Variants in SLC17A5 observed in about 807,000 individuals in gnomAD.
SLC17A5 encodes the protein sialin.
Under a neutral mutation model 59.4 loss-of-function variants are expected in SLC17A5, and 47 were observed. The observed-to-expected ratio is 0.79, with a 90% CI of 0.63 to 1.01. The LOEUF (loss-of-function observed/expected upper bound fraction) is 1.01, where lower values mean the gene tolerates loss of function less well. Among genes scored for constraint, SLC17A5 ranks in the 50% least tolerant of loss-of-function variants. The pLI, the probability that SLC17A5 is intolerant of heterozygous loss-of-function variation, is 0.00. For synonymous variants in SLC17A5, 202 were observed against 210.7 expected, an observed-to-expected ratio of 0.96 and a Z score of 0.36; for missense variants, 522 against 595.5, an observed-to-expected ratio of 0.88 and a Z score of 1.28.
Position 73,593,464 on chromosome 6 carries a change from G to A in SLC17A5, c.*1613C>T, listed in dbSNP as rs577312148. ...GCTATTTACAAATTTAAAAATAAATGTACATAAATGTATTCACATCACATT... is the reference window on the plus strand; with the variant it reads ...GCTATTTACAAATTTAAAAATAAATATACATAAATGTATTCACATCACATT... On this transcript the variant is annotated 3_prime_UTR_variant, in exon 11 of 11. Coordinates refer to ENST00000355773, the MANE Select transcript of SLC17A5 (RefSeq NM_012434.5). 1 of 152,324 alleles carries A rather than the reference G, an allele frequency of 6.6e-6. No homozygotes were observed. The highest frequency in any genetic ancestry group is 6.5e-5 in the Admixed American group (1 of 15,296). 9.4% of individuals were successfully genotyped at this position (152,324 alleles called of 1,614,324 possible).
Position 73,644,450 on chromosome 6 carries a change from C to T in SLC17A5, c.248G>A (p.Cys83Tyr), listed in dbSNP as rs371016362. 1.2e-6 allele frequency: 2 copies of T among 1,613,948 alleles called. No individual in the cohort carries two copies. The highest frequency in any genetic ancestry group is 1.6e-4 in the Middle Eastern group (1 of 6,084). ...TTTTATGGGAGCAGAATGCTCTGGA[C>T]ACGCCTTGGAAGTTCTATTATCTTC... is the stretch of plus-strand genomic sequence containing the variant. ...TLEDNRTSKA[C>Y]PEHSAPIKVH... Residue 83 changes from cysteine to tyrosine, a missense_variant, in exon 2 of 11, where the codon TGT becomes TAT. Physicochemically the swap from Cys to Tyr is radical, Grantham distance 194. Around this residue, in one of 3 missense-constraint regions of SLC17A5, gnomAD observed 338 missense variants for 363.8 expected, o/e 0.93. Coordinates refer to ENST00000355773, the MANE Select transcript of SLC17A5 (RefSeq NM_012434.5).
rs777003911 is a variant in SLC17A5 at position 73,595,106 on chromosome 6, G to A, written c.1459C>T (p.Leu487Phe). The A allele has an allele frequency of 9.9e-6, 16 of 1,613,984 alleles. No homozygotes were observed. Among genetic ancestry groups the A allele is most frequent in the Non-Finnish European group, 1.3e-5 (15 of 1,180,024 alleles). Residue 487 changes from leucine (L) to phenylalanine (F), a missense_variant, in exon 11 of 11, where the codon CTC (leucine) becomes TTC (phenylalanine). Leu to Phe is a conservative substitution (Grantham distance 22, BLOSUM62 0). This residue lies in a region of SLC17A5 where 153 missense variants were observed against 168.5 expected (regional missense o/e 0.91). Transcript: ENST00000355773. ...TGTCTGTGTCCATGGTGATCATTGA[G>A]AGCCCAGTTTTGTACTTCACCTTTG... ...FAKGEVQNWALNDHHGHRH is the reference protein window; with the variant it reads ...FAKGEVQNWAFNDHHGHRH
intron 1 of SLC17A5, among the ~76,000 whole-genome samples, chr6:73,646,083 T>C (rs898720469): frequency 6.6e-6 from 1 of 152,196 alleles, no homozygotes; most frequent in Non-Finnish European, 1.5e-5. Context: ...GATATAAACA[T>C]GTATTTCATT....
At chr6:73,647,834 G>A (rs563044053) in intron 1 of SLC17A5, among the ~76,000 whole-genome samples, 18 of 152,356 alleles carry the variant, frequency 1.2e-4, no homozygotes, top group Middle Eastern at 3.4e-3. Flanking sequence ...TTGGGAGGAC[G>A]AAGCGGGTGG....
intron 7 of SLC17A5, among the ~76,000 whole-genome samples, chr6:73,616,038 A>AC (rs1220627398): frequency 6.6e-6 from 1 of 151,846 alleles, no homozygotes; most frequent in Admixed American, 6.6e-5. Context: ...GGTGCCTGCT[A>AC]CCACACCTGG....
intron 8 of SLC17A5, among the ~76,000 whole-genome samples, chr6:73,612,245 C>T (rs545683190): frequency 8.5e-5 from 13 of 152,122 alleles, no homozygotes; most frequent in African/African-American, 2.4e-4. Context: ...TCACTGCAAC[C>T]TCTGCCTCCC....
intron 9 of SLC17A5, among the ~76,000 whole-genome samples, chr6:73,608,236 T>C (rs2150084796): frequency 6.6e-6 from 1 of 152,296 alleles, no homozygotes; most frequent in East Asian, 1.9e-4. Context: ...TAGGTGCTGA[T>C]TGTCCTAAAG....
intron 2 of SLC17A5, among the ~76,000 whole-genome samples, chr6:73,642,763 C>T (rs1042168164): frequency 3.9e-5 from 6 of 152,184 alleles, no homozygotes; most frequent in Non-Finnish European, 8.8e-5. Context: ...TTTCTTTCTA[C>T]TGCTGATATA....
At chr6:73,598,165 C>G (rs1315999969) in intron 10 of SLC17A5, among the ~76,000 whole-genome samples, 2 of 152,214 alleles carry the variant, frequency 1.3e-5, no homozygotes, top group Non-Finnish European at 2.9e-5. Context: ...CGTTGTACTA[C>G]AAGTCTCACA....
intron 1 of SLC17A5, chr6:73,653,515 C>G (rs1769968656): frequency 2.1e-6 from 2 of 969,430 alleles, no homozygotes; most frequent in Non-Finnish European, 2.4e-6. Flanking sequence ...CCCCCGCCCC[C>G]GCCCCCGCCC....
chr6:73,646,125 A>T (rs1165337654), intron 1 of SLC17A5, among the ~76,000 whole-genome samples: 1 of 152,210 alleles, frequency 6.6e-6, no homozygotes, highest in Non-Finnish European at 1.5e-5. Flanking sequence ...AAATGAAAAT[A>T]TGTGTGCTTT....
intron 7 of SLC17A5, 29 bp from the exon 8 acceptor site, chr6:73,615,476 AT>A (rs1767813208): frequency 6.2e-7 from 1 of 1,612,642 alleles, no homozygotes; most frequent in African/African-American, 1.3e-5. Flanking sequence ...TACAGGATTA[AT>A]TACGGTGAGA....
intron 6 of SLC17A5, among the ~76,000 whole-genome samples, chr6:73,629,246 G>A (rs1768580084): frequency 6.6e-6 from 1 of 151,980 alleles, no homozygotes; most frequent in Non-Finnish European, 1.5e-5. Context: ...AAATTAGCCA[G>A]GCTTTGTGGT....
rs559686916 is a variant in SLC17A5, at chr6:73,615,379, A to G, written c.1047T>C (p.Ala349=). Residue 349 remains alanine, a synonymous_variant, in exon 8 of 11, where the codon GCT becomes GCC. Coordinates refer to ENST00000355773, the MANE Select transcript of SLC17A5 (RefSeq NM_012434.5). Reference sequence around the variant, plus strand: ...AATTCCATTTTGCCCTTAAATTGTCAGCAGCTTGACCAGACAGGATCATAC... The same window carrying G: ...AATTCCATTTTGCCCTTAAATTGTCGGCAGCTTGACCAGACAGGATCATAC... ...WLCMILSGQA[A]DNLRAKWNFS... is the part of the protein sequence containing the mutation. The G allele has an allele frequency of 6.2e-7, 1 of 1,614,118 alleles. No homozygotes were observed. Among genetic ancestry groups the G allele is most frequent in the African/African-American group, 1.3e-5 (1 of 75,046 alleles).
At chr6:73,624,066 C>T (rs1277213541) in intron 6 of SLC17A5, among the ~76,000 whole-genome samples, 1 of 152,010 alleles carries the variant, frequency 6.6e-6, no homozygotes, top group Non-Finnish European at 1.5e-5. Context: ...AGATCATTAA[C>T]TATAACATAG....
chr6:73,637,719 T>C (rs1224151307), intron 4 of SLC17A5, among the ~76,000 whole-genome samples: 7 of 152,140 alleles, frequency 4.6e-5, no homozygotes. Context: ...TCTCCCTGCA[T>C]GAATGGTTTG....
intron 6 of SLC17A5, among the ~76,000 whole-genome samples, chr6:73,623,824 A>T (rs2150101433): frequency 6.6e-6 from 1 of 151,780 alleles, no homozygotes; most frequent in East Asian, 2.0e-4. Context: ...CAGCCTCCTG[A>T]GTAGCTGGAA....
intron 1 of SLC17A5, among the ~76,000 whole-genome samples, chr6:73,646,286 A>G (rs1032646388): frequency 1.3e-5 from 2 of 152,214 alleles, no homozygotes; most frequent in African/African-American, 4.8e-5. Flanking sequence ...GAACTGATTT[A>G]GACTGAAACA....
chr6:73,618,476 C>T (rs1366235133), intron 7 of SLC17A5: 10 of 463,414 alleles, frequency 2.2e-5, no homozygotes, highest in Non-Finnish European at 3.6e-5. Context: ...AAAATCATCA[C>T]GGTCTTTACT....
Sources: gnomAD v4.1 joint callset for allele counts (sites outside exome capture counted in the v4.1 genomes callset) on GRCh38, gnomAD v4.1.1 for gene constraint, gnomAD v4.1.1 regional missense constraint, MANE v1.5 for transcripts, NCBI Gene and HGNC (gene_info 2026-07-23, HGNC 2026-07-21) for gene names.